ENOX2: variants seen among roughly 807,000 people sequenced by gnomAD.
The protein encoded by ENOX2 is APK1 antigen.
ENOX2 carries 36 observed loss-of-function variants against 45.0 expected under a neutral mutation model. The ratio of observed to expected loss-of-function variants is 0.80; its 90% CI spans 0.61 to 1.06. ENOX2 has a LOEUF of 1.06. ENOX2 is among the 50% of genes least tolerant of loss of function. The pLI is 0.00. For missense variants in ENOX2, 423 were observed against 462.5 expected (o/e 0.91, Z 0.78); for synonymous variants, 174 against 152.3 (o/e 1.14, Z -1.05).
chrX:130,813,423 C>T (rs2077425993), intron 2 of ENOX2, among the ~76,000 whole-genome samples: 1 of 112,211 alleles, frequency 8.9e-6, no homozygotes, highest in Non-Finnish European at 1.9e-5. Flanking sequence ...AAAGCTATAA[C>T]ATCACTATAA....
intron 3 of ENOX2, among the ~76,000 whole-genome samples, chrX:130,725,673 G>A (rs1340424919): frequency 1.8e-5 from 2 of 110,460 alleles, no homozygotes; most frequent in Non-Finnish European, 1.9e-5. Flanking sequence ...CTTGGTTCAC[G>A]TAAGGCTGTC....
intron 2 of ENOX2, among the ~76,000 whole-genome samples, chrX:130,815,124 C>T (rs1253425180): frequency 2.7e-5 from 3 of 110,934 alleles, no homozygotes; most frequent in Admixed American, 9.6e-5. Flanking sequence ...ATAGCCGAGT[C>T]GATCAAGAGG....
chrX:130,675,804 C>T (rs1023843914), intron 6 of ENOX2, among the ~76,000 whole-genome samples: 11 of 111,448 alleles, frequency 9.9e-5, no homozygotes, highest in African/African-American at 3.6e-4. Flanking sequence ...TCATTATTTT[C>T]ATTGTTGGTG....
At chrX:130,899,573 G>T (rs187081254) in intron 2 of ENOX2, among the ~76,000 whole-genome samples, 260 of 112,251 alleles carry the variant, frequency 2.3e-3, no homozygotes, top group African/African-American at 8.0e-3. Context: ...GTGCATTCAT[G>T]TATGTTGGGC....
At chrX:130,886,505 T>C (rs1229487757) in intron 2 of ENOX2, among the ~76,000 whole-genome samples, 1 of 112,210 alleles carries the variant, frequency 8.9e-6, no homozygotes, top group Admixed American at 9.4e-5. Flanking sequence ...CGCCCATACC[T>C]GATCAGAATC....
chrX:130,756,741 C>T (rs1456537685), intron 3 of ENOX2, among the ~76,000 whole-genome samples: 1 of 112,113 alleles, frequency 8.9e-6, no homozygotes, highest in African/African-American at 3.3e-5. Context: ...AATCTCTTGC[C>T]ATACTCTGCC....
intron 5 of ENOX2, among the ~76,000 whole-genome samples, chrX:130,682,344 G>C (rs571594186): frequency 1.8e-5 from 2 of 109,120 alleles, no homozygotes; most frequent in Non-Finnish European, 3.8e-5. Flanking sequence ...AAATTCTTTG[G>C]GGGGCTGAGG....
At chrX:130,674,850 T>C (rs2037095860) in intron 6 of ENOX2, among the ~76,000 whole-genome samples, 1 of 94,959 alleles carries the variant, frequency 1.1e-5, no homozygotes, top group South Asian at 6.3e-4. Flanking sequence ...TTCCCACCTA[T>C]GAGTGAGAAC....
chrX:130,712,139 A>G (rs1267094501), intron 3 of ENOX2, among the ~76,000 whole-genome samples: 3 of 112,191 alleles, frequency 2.7e-5, no homozygotes, highest in Non-Finnish European at 5.6e-5. Flanking sequence ...GGATAATGAT[A>G]CCTATCTTTC....
intron 2 of ENOX2, among the ~76,000 whole-genome samples, chrX:130,897,712 TA>T (rs1186066779): frequency 1.8e-5 from 2 of 112,042 alleles, no homozygotes; most frequent in African/African-American, 3.2e-5. Context: ...AAGGAAAACC[TA>T]ATACTAGAGG....
chrX:130,730,650 C>T (rs2038715889), intron 3 of ENOX2, among the ~76,000 whole-genome samples: 1 of 109,102 alleles, frequency 9.2e-6, no homozygotes, highest in Non-Finnish European at 1.9e-5. Context: ...CAGGGAACAG[C>T]TTGCTTTTAT....
chrX:130,649,421 G>A (rs1333321641), intron 10 of ENOX2, among the ~76,000 whole-genome samples: 1 of 111,017 alleles, frequency 9.0e-6, no homozygotes, highest in Non-Finnish European at 1.9e-5. Flanking sequence ...TGAACATGGG[G>A]GTTTTCCTAA....
intron 4 of ENOX2, among the ~76,000 whole-genome samples, chrX:130,691,575 G>T (rs1306370636): frequency 8.9e-6 from 1 of 112,378 alleles, no homozygotes; most frequent in Non-Finnish European, 1.9e-5. Flanking sequence ...TCATGCAGAA[G>T]ATTTTGGAGA....
chrX:130,781,062 T>C (rs2039958589), intron 3 of ENOX2, among the ~76,000 whole-genome samples: 1 of 111,926 alleles, frequency 8.9e-6, no homozygotes. Context: ...AGGAACAAAA[T>C]AATATTATAA....
chrX:130,656,375 G>A (rs1008883574), intron 10 of ENOX2, among the ~76,000 whole-genome samples: 6 of 112,285 alleles, frequency 5.3e-5, no homozygotes, highest in Non-Finnish European at 1.1e-4. Context: ...TTCAATGCAA[G>A]GTATGGATAA....
intron 3 of ENOX2, among the ~76,000 whole-genome samples, chrX:130,732,994 G>A (rs1397615946): frequency 4.5e-5 from 5 of 111,932 alleles, no homozygotes; most frequent in Non-Finnish European, 7.5e-5. Flanking sequence ...ACCAAAGCAC[G>A]TGTAACAAAA....
chrX:130,789,766 T>C (rs1324106471), intron 2 of ENOX2, among the ~76,000 whole-genome samples: 1 of 112,462 alleles, frequency 8.9e-6, no homozygotes, highest in African/African-American at 3.2e-5. Context: ...TCAAAACTTT[T>C]GGAAAAATAA....
Position 130,656,602 on chromosome X carries a change from T to A in ENOX2, c.1108A>T (p.Thr370Ser). Residue 370 changes from threonine (T) to serine (S), a missense_variant, in exon 10 of 15, where the codon ACA (threonine) becomes TCA (serine). By Grantham distance (58) the Thr-to-Ser change is moderately conservative. Around this residue, in one of 5 missense-constraint regions of ENOX2, gnomAD observed 13 missense variants for 29.8 expected, o/e 0.44. Coordinates refer to ENST00000394363, the MANE Select transcript of ENOX2 (RefSeq NM_006375.4). Reference protein sequence around the residue: ...SDDEIEEMTETKETEESALVS... With the variant: ...SDDEIEEMTESKETEESALVS... ...TTACCTGATTCCTCAGTTTCTTTTG[T>A]TTCTGTCATTTCTTCTATTTCATCA... 8.8e-7 allele frequency: 1 copy of A among 1,138,729 alleles called. No homozygotes were observed. Among genetic ancestry groups the A allele is most frequent in the Non-Finnish European group, 1.2e-6 (1 of 833,003 alleles). The allele number at this position is 1,138,729 out of a possible 1,213,427, so 93.8% of individuals were successfully genotyped here. A position where few individuals can be genotyped will look rare whatever the true frequency, so the allele number is the denominator to read the frequency against.
At chrX:130,636,712 A>T (rs1385924448) in intron 11 of ENOX2, among the ~76,000 whole-genome samples, 2 of 112,754 alleles carry the variant, frequency 1.8e-5, no homozygotes, top group African/African-American at 6.4e-5. Flanking sequence ...GTGACTGTTA[A>T]TACAAAACAA....
Sources: allele counts gnomAD v4.1 joint callset (sites outside exome capture counted in the v4.1 genomes callset), GRCh38; gene constraint gnomAD v4.1.1; regional missense constraint gnomAD v4.1.1; transcripts MANE v1.5; gene names NCBI Gene and HGNC (gene_info 2026-07-23, HGNC 2026-07-21).